RBFOX1: variants seen among roughly 807,000 people sequenced by gnomAD.
RBFOX1 encodes the protein RNA binding protein fox-1 homolog 1.
A neutral mutation model predicts 57.7 loss-of-function variants in RBFOX1; 8 were observed. The observed-to-expected ratio is 0.14, with a 90% CI of 0.08 to 0.25. The LOEUF (loss-of-function observed/expected upper bound fraction) is 0.25. Ranked by LOEUF, RBFOX1 falls within the 10% of genes least tolerant of loss-of-function variation. The pLI, the probability that RBFOX1 is intolerant of heterozygous loss-of-function variation, is 1.00. For missense variants in RBFOX1, 611 were observed against 548.5 expected (o/e 1.11, Z -1.14); for synonymous variants, 326 against 222.4 (o/e 1.47, Z -4.15).
intron 4 of RBFOX1, among the ~76,000 whole-genome samples, chr16:7,137,230 A>G (rs1424005627): frequency 1.3e-5 from 2 of 152,178 alleles, no homozygotes; most frequent in Non-Finnish European, 2.9e-5. Context: ...GGAAGTCATC[A>G]GAGGCTTTCC....
At position 7,187,690 on chromosome 16, in the gene RBFOX1, C is replaced by A. The variant is rs28681182; in HGVS notation, c.27+135592C>A. 4.9e-3 allele frequency among the ~76,000 whole-genome samples: 355 copies of A among 72,540 alleles called. 14 individuals are homozygous for A. The highest frequency in any genetic ancestry group is 0.014 in the African/African-American group (228 of 15,854). The allele number at this position is 72,540 out of a possible 152,430, so 47.6% of individuals were successfully genotyped here. A position where few individuals can be genotyped will look rare whatever the true frequency, so the allele number is the denominator to read the frequency against. ...GGCAACAGAATGAGACTCTGTCTCACAAAAAAAAAAAAAAAAAAAAAAAAA... is the reference window on the plus strand; with the variant it reads ...GGCAACAGAATGAGACTCTGTCTCAAAAAAAAAAAAAAAAAAAAAAAAAAA... On this transcript the variant is annotated intron_variant, in intron 4 of 15. Coordinates refer to ENST00000550418, the MANE Select transcript of RBFOX1 (RefSeq NM_018723.4).
chr16:7,530,503 T>G (rs889748617), intron 5 of RBFOX1, among the ~76,000 whole-genome samples: 15 of 138,934 alleles, frequency 1.1e-4, no homozygotes, highest in Non-Finnish European at 2.2e-4. Flanking sequence ...CCAGACTTCT[T>G]AAAAAAAAAA....
chr16:6,476,279 G>A (rs908774873), intron 2 of RBFOX1, among the ~76,000 whole-genome samples: 11 of 151,988 alleles, frequency 7.2e-5, no homozygotes, highest in African/African-American at 1.5e-4. Context: ...ACAAATATCC[G>A]TAGAGACATA....
intron 3 of RBFOX1, among the ~76,000 whole-genome samples, chr16:6,928,000 G>A (rs1407039374): frequency 6.6e-6 from 1 of 152,188 alleles, no homozygotes; most frequent in Admixed American, 6.5e-5. Flanking sequence ...TTCCGCTGCT[G>A]CTGGCTTCCA....
chr16:6,634,247 C>T (rs2098413396), intron 2 of RBFOX1, among the ~76,000 whole-genome samples: 3 of 152,194 alleles, frequency 2.0e-5, no homozygotes, highest in Admixed American at 1.3e-4. Flanking sequence ...ATTTCTGTTA[C>T]TCCTTTAAGA....
chr16:6,174,680 T>A (rs760395801), intron 1 of RBFOX1, among the ~76,000 whole-genome samples: 1 of 152,182 alleles, frequency 6.6e-6, no homozygotes, highest in Non-Finnish European at 1.5e-5. Flanking sequence ...GTGTTGTAGA[T>A]CTGCTCTGAT....
At chr16:7,701,584 G>A (rs769204641) in intron 14 of RBFOX1, among the ~76,000 whole-genome samples, 1 of 152,200 alleles carries the variant, frequency 6.6e-6, no homozygotes, top group African/African-American at 2.4e-5. Flanking sequence ...CTGGTGCCAA[G>A]AAGGCCAGGG....
intron 3 of RBFOX1, among the ~76,000 whole-genome samples, chr16:6,887,216 C>G (rs143361190): frequency 6.6e-6 from 1 of 152,116 alleles, no homozygotes; most frequent in Non-Finnish European, 1.5e-5. Context: ...AATTCTAGTA[C>G]TTGGAAGGAG....
In RBFOX1 at chr16:7,393,415, T is replaced by C. The variant is rs138796415; in HGVS notation, c.28-124732T>C. ...CTGTATGAAAAACCCAACTATAATA[T>C]TACACTCAAGTACACACTTATAGGA... is the stretch of plus-strand genomic sequence containing the variant. On this transcript the variant is annotated intron_variant, in intron 4 of 15. Transcript: ENST00000550418. Among the ~76,000 whole-genome samples the C allele has an allele frequency of 3.9e-4, 59 of 152,264 alleles. 1 individual carries two copies. Among genetic ancestry groups the C allele is most frequent in the African/African-American group, 1.3e-3 (54 of 41,562 alleles).
chr16:6,472,051 TTC>T (rs374286688), intron 2 of RBFOX1, among the ~76,000 whole-genome samples: 1 of 152,176 alleles, frequency 6.6e-6, no homozygotes, highest in Non-Finnish European at 1.5e-5. Context: ...CCCCCATTCT[TTC>T]TCTATATACT....
intron 4 of RBFOX1, among the ~76,000 whole-genome samples, chr16:7,357,638 A>T (rs2097242911): frequency 6.6e-6 from 1 of 151,920 alleles, no homozygotes; most frequent in Admixed American, 6.6e-5. Context: ...CTTGTTTCTG[A>T]GCCATTTTCA....
intron 3 of RBFOX1, among the ~76,000 whole-genome samples, chr16:5,656,378 ACT>A (rs1422995565): frequency 2.0e-5 from 3 of 152,044 alleles, no homozygotes; most frequent in Non-Finnish European, 2.9e-5. Flanking sequence ...ATGTCTTGCA[ACT>A]CTCTCACATT....
intron 3 of RBFOX1, among the ~76,000 whole-genome samples, chr16:7,020,839 T>A (rs1280010239): frequency 6.6e-6 from 1 of 152,086 alleles, no homozygotes; most frequent in Non-Finnish European, 1.5e-5. Context: ...TAAGAATTTT[T>A]CTCGAGGCCA....
chr16:5,595,818 C>G (rs1178620899), intron 2 of RBFOX1, among the ~76,000 whole-genome samples: 1 of 152,118 alleles, frequency 6.6e-6, no homozygotes, highest in Non-Finnish European at 1.5e-5. Flanking sequence ...ACAGAGCTTG[C>G]TGCTTTGTTC....
chr16:7,093,413 ACTT>A (rs926770976), intron 4 of RBFOX1, among the ~76,000 whole-genome samples: 6 of 152,054 alleles, frequency 3.9e-5, no homozygotes, highest in East Asian at 1.9e-4. Flanking sequence ...TACCCAGCCC[ACTT>A]CTTCTTTGAC....
At chr16:5,915,446 C>A (rs1409289855) in intron 4 of RBFOX1, among the ~76,000 whole-genome samples, 1 of 152,162 alleles carries the variant, frequency 6.6e-6, no homozygotes, top group Non-Finnish European at 1.5e-5. Flanking sequence ...CACTTTAGTG[C>A]CTACTTATTC....
chr16:5,797,353 C>A (rs759849542), intron 3 of RBFOX1, among the ~76,000 whole-genome samples: 1 of 152,208 alleles, frequency 6.6e-6, no homozygotes, highest in Non-Finnish European at 1.5e-5. Flanking sequence ...TTGGGACCCT[C>A]CACTTCAAGG....
At chr16:6,948,073 C>T (rs185310434) in intron 3 of RBFOX1, among the ~76,000 whole-genome samples, 3 of 152,228 alleles carry the variant, frequency 2.0e-5, no homozygotes, top group Admixed American at 2.0e-4. Flanking sequence ...GCCACCATGG[C>T]CTGGCCTACA....
intron 3 of RBFOX1, among the ~76,000 whole-genome samples, chr16:5,637,953 G>C (rs1009673637): frequency 2.0e-5 from 3 of 152,236 alleles, no homozygotes; most frequent in African/African-American, 7.2e-5. Flanking sequence ...TAGAGGTCCA[G>C]TGTTCTCAAG....
Sources: gnomAD v4.1 joint callset for allele counts (sites outside exome capture counted in the v4.1 genomes callset) on GRCh38, gnomAD v4.1.1 for gene constraint, MANE v1.5 for transcripts, NCBI Gene and HGNC (gene_info 2026-07-23, HGNC 2026-07-21) for gene names.